The following ANKS1B variants were observed in gnomAD, a reference collection of about 807,000 sequenced individuals.
ANKS1B encodes the protein ankyrin repeat and sterile alpha motif domain containing 1B.
A neutral mutation model predicts 148.3 loss-of-function variants in ANKS1B; 36 were observed. The observed-to-expected ratio is 0.24, with a 90% CI of 0.19 to 0.32. ANKS1B has a LOEUF of 0.32. ANKS1B is among the 10% of genes least tolerant of loss of function. ANKS1B has a pLI of 1.00. For synonymous variants in ANKS1B, 542 were observed against 560.8 expected (o/e 0.97, Z 0.47); for missense variants, 1,157 against 1,542.6 (o/e 0.75, Z 4.19).
Position 98,839,368 on chromosome 12 carries a change from T to C in ANKS1B, c.2779-7232A>G, listed in dbSNP as rs150692344. ...ATGTGTGTGTATATTTGTGTGTATG[T>C]ATGTAGGCATCTATGTATGTATGTA... On this transcript the variant is annotated intron_variant, in intron 17 of 26. Coordinates refer to ENST00000683438, the MANE Select transcript of ANKS1B (RefSeq NM_001352186.2). Among the ~76,000 whole-genome samples the C allele has an allele frequency of 4.5e-4, 67 of 148,154 alleles. No individual in the cohort carries two copies. The Middle Eastern group carries it at 0.01, about 23-fold the overall frequency.
chr12:99,223,052 A>C (rs1217054425), intron 14 of ANKS1B, among the ~76,000 whole-genome samples: 1 of 152,204 alleles, frequency 6.6e-6, no homozygotes, highest in Non-Finnish European at 1.5e-5. Flanking sequence ...TTTTCTTTTA[A>C]AGTATGTTTG....
chr12:98,744,794 G>T lies in ANKS1B; in HGVS notation c.*945C>A, dbSNP rs2097846809. 4.7e-6 allele frequency: 4 copies of T among 859,522 alleles called. No individual in the cohort carries two copies. The highest frequency in any genetic ancestry group is 5.6e-6 in the Non-Finnish European group (4 of 718,140). 53.2% of individuals were successfully genotyped at this position (859,522 alleles called of 1,614,324 possible). A position where few individuals can be genotyped will look rare whatever the true frequency, so the allele number is the denominator to read the frequency against. On this transcript the variant is annotated 3_prime_UTR_variant, in exon 27 of 27. Transcript: ENST00000683438. Reference sequence around the variant, plus strand: ...AGAAATCTTGACAGCAGGAGCACTAGATTTTTTTTTTTTTAACATGTTCTT... The same window carrying T: ...AGAAATCTTGACAGCAGGAGCACTATATTTTTTTTTTTTTAACATGTTCTT...
intron 9 of ANKS1B, among the ~76,000 whole-genome samples, chr12:99,513,163 G>C (rs557310930): frequency 6.6e-6 from 1 of 152,020 alleles, no homozygotes; most frequent in South Asian, 2.1e-4. Context: ...AAAAAATTAT[G>C]ACTCACTGAA....
At chr12:98,941,777 A>T (rs2099837180) in intron 17 of ANKS1B, among the ~76,000 whole-genome samples, 2 of 152,348 alleles carry the variant, frequency 1.3e-5, no homozygotes, top group South Asian at 4.1e-4. Flanking sequence ...ATAAGTAGGA[A>T]AATAAATATT....
intron 12 of ANKS1B, among the ~76,000 whole-genome samples, chr12:99,340,264 A>T (rs772101048): frequency 2.4e-4 from 36 of 152,222 alleles, no homozygotes; most frequent in Non-Finnish European, 4.1e-4. Flanking sequence ...TTTTACAGAG[A>T]GCTGCTCTCA....
intron 9 of ANKS1B, among the ~76,000 whole-genome samples, chr12:99,585,258 G>GT (rs1597552602): frequency 6.6e-6 from 1 of 152,146 alleles, no homozygotes; most frequent in East Asian, 1.9e-4. Context: ...CCCCAGGCAA[G>GT]TCCAAAATCC....
chr12:98,754,855 C>A (rs2098192759), intron 25 of ANKS1B, among the ~76,000 whole-genome samples: 2 of 152,342 alleles, frequency 1.3e-5, no homozygotes, highest in South Asian at 4.1e-4. Flanking sequence ...ACAGACCAGA[C>A]TGTTGGATTA....
At chr12:99,479,877 AT>A (rs1282309639) in intron 10 of ANKS1B, among the ~76,000 whole-genome samples, 1 of 151,848 alleles carries the variant, frequency 6.6e-6, no homozygotes, top group South Asian at 2.1e-4. Flanking sequence ...TAAAAAATAG[AT>A]TTTAAATTTT....
chr12:99,348,172 T>C (rs1306522484), intron 12 of ANKS1B, among the ~76,000 whole-genome samples: 1 of 151,820 alleles, frequency 6.6e-6, no homozygotes, highest in African/African-American at 2.4e-5. Flanking sequence ...TAAATGAAGA[T>C]AAATGAACAG....
chr12:99,818,889 G>A (rs540755733), intron 2 of ANKS1B, among the ~76,000 whole-genome samples: 3 of 151,762 alleles, frequency 2.0e-5, no homozygotes, highest in South Asian at 4.2e-4. Flanking sequence ...AATGTATTTC[G>A]GTAAGTTCAG....
chr12:99,410,455 G>C (rs1407801895), intron 11 of ANKS1B, among the ~76,000 whole-genome samples: 1 of 152,174 alleles, frequency 6.6e-6, no homozygotes, highest in African/African-American at 2.4e-5. Flanking sequence ...GGATCACGAG[G>C]TCAGGAGATC....
intron 1 of ANKS1B, among the ~76,000 whole-genome samples, chr12:99,860,489 A>G (rs1043246622): frequency 1.3e-5 from 2 of 152,182 alleles, no homozygotes; most frequent in Non-Finnish European, 2.9e-5. Flanking sequence ...ATGAAAGGAA[A>G]AGTCTCCCAA....
chr12:98,929,041 TACACACACAC>T (rs146522154), intron 17 of ANKS1B, among the ~76,000 whole-genome samples: 1 of 144,826 alleles, frequency 6.9e-6, no homozygotes, highest in African/African-American at 2.6e-5. Flanking sequence ...AAAACCCTAA[TACACACACAC>T]ACACACACAC....
chr12:99,042,038 C>CA lies in ANKS1B; in HGVS notation c.2778+11118dup, dbSNP rs367847056. ...CAAAACAAAACAAAACAAAATAAAA[C>CA]AAAAAAACCCATAAAACACCAAAAT... is the stretch of plus-strand genomic sequence containing the variant. On this transcript the variant is annotated intron_variant, in intron 17 of 26. Transcript: ENST00000683438. 1.3e-4 allele frequency among the ~76,000 whole-genome samples: 19 copies of CA among 151,654 alleles called. No individual in the cohort carries two copies. The East Asian group carries it at 2.5e-3, about 20-fold the overall frequency.
intron 1 of ANKS1B, among the ~76,000 whole-genome samples, chr12:99,828,633 C>T (rs951443074): frequency 1.3e-5 from 2 of 151,972 alleles, no homozygotes; most frequent in Non-Finnish European, 2.9e-5. Context: ...AATATCATCT[C>T]AATATTAGAA....
intron 1 of ANKS1B, among the ~76,000 whole-genome samples, chr12:99,964,176 C>T (rs2095455736): frequency 6.6e-6 from 1 of 152,172 alleles, no homozygotes; most frequent in African/African-American, 2.4e-5. Flanking sequence ...ATCAAATTAT[C>T]ATCATCTCTC....
chr12:99,768,666 A>G (rs1420567735), intron 8 of ANKS1B, among the ~76,000 whole-genome samples: 1 of 151,910 alleles, frequency 6.6e-6, no homozygotes, highest in Non-Finnish European at 1.5e-5. Context: ...TGTCTACTAA[A>G]ATACAAAAAA....
chr12:98,757,701 TA>T (rs1311097084), intron 25 of ANKS1B, among the ~76,000 whole-genome samples: 1 of 152,232 alleles, frequency 6.6e-6, no homozygotes, highest in Admixed American at 6.5e-5. Context: ...CCCTTGGGCA[TA>T]AATTCAAACT....
rs191676899 is a variant in ANKS1B, at chr12:98,998,111, G to A, written c.2778+55046C>T. On this transcript the variant is annotated intron_variant, in intron 17 of 26. Coordinates refer to ENST00000683438, the MANE Select transcript of ANKS1B (RefSeq NM_001352186.2). ...CCAATGTGGCAGGAAGGGAACAACTGTCATCTGTTCTGAGAATTCAGCACT... is the reference window on the plus strand; with the variant it reads ...CCAATGTGGCAGGAAGGGAACAACTATCATCTGTTCTGAGAATTCAGCACT... 3.9e-5 allele frequency among the ~76,000 whole-genome samples: 6 copies of A among 152,276 alleles called. No homozygotes were observed. The East Asian group carries it at 1.2e-3, about 29-fold the overall frequency.
Sources: allele counts gnomAD v4.1 joint callset (sites outside exome capture counted in the v4.1 genomes callset), GRCh38; gene constraint gnomAD v4.1.1; transcripts MANE v1.5; gene names NCBI Gene and HGNC (gene_info 2026-07-23, HGNC 2026-07-21).